CTNND2: variants seen among roughly 807,000 people sequenced by gnomAD.
CTNND2 encodes catenin delta-2.
In CTNND2, 22 loss-of-function variants were observed where a neutral mutation model predicts 144.4. That is an observed-to-expected ratio of 0.15 (90% CI 0.11 to 0.22). The LOEUF (loss-of-function observed/expected upper bound fraction) is 0.22, where lower values mean the gene tolerates loss of function less well. Among genes scored for constraint, CTNND2 ranks in the 10% least tolerant of loss-of-function variants. The pLI is 1.00. For missense variants in CTNND2, 1,353 were observed against 1,618.8 expected, an observed-to-expected ratio of 0.84 and a Z score of 2.82; for synonymous variants, 751 against 695.6, an observed-to-expected ratio of 1.08 and a Z score of -1.25.
chr5:11,363,638 A>G (rs1052079900), intron 8 of CTNND2, among the ~76,000 whole-genome samples: 8 of 152,216 alleles, frequency 5.3e-5, no homozygotes, highest in Non-Finnish European at 2.9e-5. Flanking sequence ...CTTTCTCCCT[A>G]TGATTCAGTG....
At chr5:11,869,885 C>CA (rs540946191) in intron 1 of CTNND2, among the ~76,000 whole-genome samples, 6 of 151,910 alleles carry the variant, frequency 3.9e-5, no homozygotes, top group East Asian at 1.9e-4. Context: ...GAACAAAATG[C>CA]AAAAAAATAA....
At chr5:11,810,386 C>G (rs1038649414) in intron 1 of CTNND2, among the ~76,000 whole-genome samples, 4 of 152,030 alleles carry the variant, frequency 2.6e-5, no homozygotes, top group Non-Finnish European at 5.9e-5. Context: ...CAAGGATTTA[C>G]TATAGAAAAT....
At chr5:11,227,660 G>A (rs141136584) in intron 10 of CTNND2, among the ~76,000 whole-genome samples, 1 of 152,210 alleles carries the variant, frequency 6.6e-6, no homozygotes, top group African/African-American at 2.4e-5. Flanking sequence ...TTTAACAGAT[G>A]AAATGTTCTA....
At chr5:11,874,979 GA>G (rs11299347) in intron 1 of CTNND2, among the ~76,000 whole-genome samples, 88,889 of 151,922 alleles carry the variant, frequency 0.59, 26,098 homozygotes, top group South Asian at 0.65. Flanking sequence ...AAACAATTGT[GA>G]AAAAAATACA....
At chr5:10,992,338 A>G (rs1165131155) in intron 19 of CTNND2, among the ~76,000 whole-genome samples, 1 of 152,242 alleles carries the variant, frequency 6.6e-6, no homozygotes, top group African/African-American at 2.4e-5. Context: ...TGTCATGCAT[A>G]AGAACCTGTT....
intron 9 of CTNND2, among the ~76,000 whole-genome samples, chr5:11,340,879 T>C (rs1754194534): frequency 6.6e-6 from 1 of 152,180 alleles, no homozygotes; most frequent in South Asian, 2.1e-4. Context: ...TTTGGGATGA[T>C]TAAATTAGAT....
intron 3 of CTNND2, among the ~76,000 whole-genome samples, chr5:11,486,423 A>C (rs1249462770): frequency 6.6e-6 from 1 of 152,198 alleles, no homozygotes; most frequent in Non-Finnish European, 1.5e-5. Context: ...CACCTTCAAT[A>C]CTTGTTCAAG....
intron 9 of CTNND2, among the ~76,000 whole-genome samples, chr5:11,245,224 G>A (rs1742872235): frequency 6.6e-6 from 1 of 152,182 alleles, no homozygotes; most frequent in Non-Finnish European, 1.5e-5. Flanking sequence ...TTTTCTACCT[G>A]TCCCTATATT....
intron 9 of CTNND2, among the ~76,000 whole-genome samples, chr5:11,273,980 G>A (rs1353622229): frequency 4.6e-5 from 7 of 152,208 alleles, no homozygotes; most frequent in Admixed American, 6.5e-5. Flanking sequence ...GGGAGGGGAC[G>A]GGTATTTATG....
At chr5:11,226,112 C>T (rs969713620) in intron 10 of CTNND2, among the ~76,000 whole-genome samples, 2 of 152,204 alleles carry the variant, frequency 1.3e-5, no homozygotes, top group African/African-American at 4.8e-5. Context: ...GACTTGTAGC[C>T]TCCAGCATCG....
intron 3 of CTNND2, among the ~76,000 whole-genome samples, chr5:11,535,539 T>C (rs1774132219): frequency 1.3e-5 from 2 of 152,342 alleles, no homozygotes; most frequent in Middle Eastern, 3.4e-3. Flanking sequence ...GTAAGTGTAA[T>C]CTTATAAGTG....
chr5:11,903,756 G>C lies in CTNND2; in HGVS notation c.37+61C>G. On this transcript the variant is annotated intron_variant, in intron 1 of 21. Transcript: ENST00000304623. The surrounding 1 kb of genome is among the most constrained non-coding windows in gnomAD (Gnocchi z 5.4). The stretch of plus-strand genomic sequence containing the variant: ...GGACCACCCCCACCAGCGGCAAGAG[G>C]AGGAGGACGGCGCCGGGAGGAGGCT... 1.4e-6 allele frequency: 2 copies of C among 1,448,986 alleles called. No individual in the cohort carries two copies. Among genetic ancestry groups the C allele is most frequent in the Non-Finnish European group, 9.1e-7 (1 of 1,099,016 alleles). The allele number at this position is 1,448,986 out of a possible 1,614,324, so 89.8% of individuals were successfully genotyped here.
At chr5:11,362,658 T>C (rs1029963780) in intron 8 of CTNND2, among the ~76,000 whole-genome samples, 1 of 152,178 alleles carries the variant, frequency 6.6e-6, no homozygotes, top group Non-Finnish European at 1.5e-5. Context: ...CATCTGAATG[T>C]CACAATCATA....
intron 2 of CTNND2, among the ~76,000 whole-genome samples, chr5:11,633,927 A>C (rs1240154939): frequency 6.6e-6 from 1 of 152,166 alleles, no homozygotes; most frequent in Non-Finnish European, 1.5e-5. Flanking sequence ...GGTACAGTCC[A>C]TCTTCTTATG....
intron 1 of CTNND2, among the ~76,000 whole-genome samples, chr5:11,824,109 A>C (rs1008947873): frequency 6.6e-6 from 1 of 151,808 alleles, no homozygotes; most frequent in Non-Finnish European, 1.5e-5. Flanking sequence ...AAAAAAAAAA[A>C]AAAACCATGG....
intron 12 of CTNND2, among the ~76,000 whole-genome samples, chr5:11,136,794 C>A (rs928570126): frequency 6.6e-6 from 1 of 152,252 alleles, no homozygotes; most frequent in African/African-American, 2.4e-5. Flanking sequence ...AGCACAAGTC[C>A]TCCAGTCCAG....
chr5:11,498,530 A>G (rs1398473163), intron 3 of CTNND2, among the ~76,000 whole-genome samples: 2 of 152,144 alleles, frequency 1.3e-5, no homozygotes, highest in Non-Finnish European at 2.9e-5. Flanking sequence ...TTCACTTACA[A>G]CAATGTAGGG....
At chr5:11,223,826 A>C (rs535858504) in intron 10 of CTNND2, among the ~76,000 whole-genome samples, 4 of 152,186 alleles carry the variant, frequency 2.6e-5, no homozygotes, top group Admixed American at 6.5e-5. Flanking sequence ...AGGATGCTAG[A>C]ATCAGCTTAG....
At chr5:11,799,354 T>C (rs2126883935) in intron 1 of CTNND2, among the ~76,000 whole-genome samples, 1 of 152,320 alleles carries the variant, frequency 6.6e-6, no homozygotes, top group Non-Finnish European at 1.5e-5. Context: ...TCTTCCTTTT[T>C]ATCTCTGAAT....
Sources: allele counts gnomAD v4.1 joint callset (sites outside exome capture counted in the v4.1 genomes callset), GRCh38; gene constraint gnomAD v4.1.1; non-coding constraint Gnocchi (gnomAD v3.1); transcripts MANE v1.5; gene names NCBI Gene and HGNC (gene_info 2026-07-23, HGNC 2026-07-21).